Variants in DAPL1 observed in about 807,000 individuals in gnomAD.
DAPL1 encodes death-associated protein-like 1.
DAPL1 carries 17 observed loss-of-function variants against 12.9 expected under a neutral mutation model. That is an observed-to-expected ratio of 1.32 (90% CI 0.90 to 1.98). The LOEUF is 1.98. DAPL1 is among the 30% of genes most tolerant of loss of function. The probability of loss-of-function intolerance (pLI) is 0.00; values close to 1 mark genes in which losing one functional copy is unlikely to be tolerated. For synonymous variants in DAPL1, 51 were observed against 42.0 expected, an observed-to-expected ratio of 1.21 and a Z score of -0.82; for missense variants, 157 against 125.7, an observed-to-expected ratio of 1.25 and a Z score of -1.19.
chr2:158,813,856 C>T (rs2059246362), intron 3 of DAPL1, among the ~76,000 whole-genome samples: 1 of 152,058 alleles, frequency 6.6e-6, no homozygotes, highest in South Asian at 2.1e-4. Context: ...AGCCCGGCCT[C>T]CTTTCCTTTT....
intron 1 of DAPL1, among the ~76,000 whole-genome samples, chr2:158,799,286 G>A (rs2059152539): frequency 6.6e-6 from 1 of 152,146 alleles, no homozygotes; most frequent in South Asian, 2.1e-4. Flanking sequence ...TGTTAAATCA[G>A]TTCATATTTT....
chr2:158,801,477 AT>A (rs2059167639), intron 1 of DAPL1, among the ~76,000 whole-genome samples: 1 of 152,180 alleles, frequency 6.6e-6, no homozygotes. Context: ...TTTCACCTGT[AT>A]TCCATGGCTA....
chr2:158,801,614 T>C (rs1227174806), intron 1 of DAPL1, among the ~76,000 whole-genome samples: 1 of 152,306 alleles, frequency 6.6e-6, no homozygotes, highest in Admixed American at 6.5e-5. Flanking sequence ...GCAGATAATG[T>C]ATAAAGATAG....
At chr2:158,815,015 G>A (rs1337928634) in intron 3 of DAPL1, among the ~76,000 whole-genome samples, 2 of 152,202 alleles carry the variant, frequency 1.3e-5, no homozygotes, top group Non-Finnish European at 2.9e-5. Context: ...ATTCCACAAG[G>A]TCTCTGGGTT....
intron 3 of DAPL1, among the ~76,000 whole-genome samples, chr2:158,815,185 T>C (rs1377841355): frequency 6.6e-6 from 1 of 152,242 alleles, no homozygotes; most frequent in African/African-American, 2.4e-5. Flanking sequence ...ACTGGGCTAT[T>C]TAGATTGAAC....
intron 3 of DAPL1, among the ~76,000 whole-genome samples, chr2:158,811,164 A>G (rs1311843978): frequency 6.6e-6 from 1 of 152,200 alleles, no homozygotes; most frequent in Non-Finnish European, 1.5e-5. Context: ...TCAAGCTGCC[A>G]GACTTTGGGT....
chr2:158,795,515 G>T lies in DAPL1; in HGVS notation c.58+85G>T, dbSNP rs561158831. 5.4e-6 allele frequency: 7 copies of T among 1,302,492 alleles called. No homozygotes were observed. The South Asian group carries it at 6.4e-5, about 12-fold the overall frequency. The allele number at this position is 1,302,492 out of a possible 1,614,324, so 80.7% of individuals were successfully genotyped here. ...CCTTCCATGGAGCACCCCGACAGAC[G>T]GAAGCTTCTCTGTCTACCCAGTATG... On this transcript the variant is annotated intron_variant, in intron 1 of 3. Transcript: ENST00000309950.
intron 3 of DAPL1, among the ~76,000 whole-genome samples, chr2:158,811,281 A>G (rs2059228841): frequency 6.6e-6 from 1 of 152,208 alleles, no homozygotes; most frequent in African/African-American, 2.4e-5. Flanking sequence ...CTGTAGATTA[A>G]TATCACTGTA....
chr2:158,807,509 T>C (rs2105153580), intron 3 of DAPL1, among the ~76,000 whole-genome samples: 1 of 152,230 alleles, frequency 6.6e-6, no homozygotes, highest in South Asian at 2.1e-4. Context: ...AGATATTGAT[T>C]TGAGGAGAGG....
At chr2:158,814,898 A>G (rs1488562295) in intron 3 of DAPL1, among the ~76,000 whole-genome samples, 1 of 152,208 alleles carries the variant, frequency 6.6e-6, no homozygotes, top group East Asian at 1.9e-4. Context: ...AAGAACTAGC[A>G]TGGACCCAAA....
intron 1 of DAPL1, among the ~76,000 whole-genome samples, chr2:158,801,383 C>T (rs1258093950): frequency 6.6e-6 from 1 of 152,144 alleles, no homozygotes; most frequent in Non-Finnish European, 1.5e-5. Context: ...CATTAAGCAA[C>T]AGTGCTATGA....
chr2:158,800,906 C>G (rs560460129), intron 1 of DAPL1, among the ~76,000 whole-genome samples: 1 of 152,168 alleles, frequency 6.6e-6, no homozygotes, highest in African/African-American at 2.4e-5. Flanking sequence ...GTGGTGCAAT[C>G]TCAGCTCCCT....
chr2:158,809,529 T>C (rs1169042012), intron 3 of DAPL1, among the ~76,000 whole-genome samples: 2 of 152,176 alleles, frequency 1.3e-5, no homozygotes, highest in Non-Finnish European at 2.9e-5. Context: ...GTGTTGGCTG[T>C]GTCTCTTACT....
At chr2:158,799,904 A>G (rs1177454729) in intron 1 of DAPL1, among the ~76,000 whole-genome samples, 3 of 151,908 alleles carry the variant, frequency 2.0e-5, no homozygotes, top group Admixed American at 1.3e-4. Flanking sequence ...AGGAATTCCC[A>G]TGTTTATGGT....
intron 1 of DAPL1, among the ~76,000 whole-genome samples, chr2:158,803,968 A>G (rs1263698899): frequency 1.3e-5 from 2 of 152,154 alleles, no homozygotes; most frequent in African/African-American, 4.8e-5. Context: ...GATAATAAGA[A>G]AAAATGTTTT....
chr2:158,810,648 C>T (rs2059225575), intron 3 of DAPL1, among the ~76,000 whole-genome samples: 1 of 152,112 alleles, frequency 6.6e-6, no homozygotes, highest in South Asian at 2.1e-4. Flanking sequence ...CACAGTATTT[C>T]CCCACCTCTC....
At chr2:158,795,489 G>A in intron 1 of DAPL1, 59 bp downstream of exon 1, 13 of 1,500,120 alleles carry the variant, frequency 8.7e-6, no homozygotes, top group Admixed American at 7.8e-5. Flanking sequence ...TTCCACCAAT[G>A]CCTTCCATGG....
At chr2:158,796,050 TTG>T (rs1342682054) in intron 1 of DAPL1, among the ~76,000 whole-genome samples, 1 of 152,128 alleles carries the variant, frequency 6.6e-6, no homozygotes, top group Non-Finnish European at 1.5e-5. Context: ...GCATCCATAG[TTG>T]TCTTTTTTTT....
chr2:158,798,116 C>CAGTG lies in DAPL1; in HGVS notation c.58+2687_58+2690dup, dbSNP rs557126340. ...GATATATGATGAATAGAAAGAAGAG[C>CAGTG]AGTGGTTCATGACTTTTTCTATATT... is the stretch of plus-strand genomic sequence containing the variant. On this transcript the variant is annotated intron_variant, in intron 1 of 3. Transcript: ENST00000309950. Among the ~76,000 whole-genome samples the CAGTG allele has an allele frequency of 2.6e-5, 4 of 152,258 alleles. No individual in the cohort carries two copies. The South Asian group carries it at 6.2e-4, about 24-fold the overall frequency.
Sources: allele counts gnomAD v4.1 joint callset (sites outside exome capture counted in the v4.1 genomes callset), GRCh38; gene constraint gnomAD v4.1.1; transcripts MANE v1.5; gene names NCBI Gene and HGNC (gene_info 2026-07-23, HGNC 2026-07-21).